The following ZEB1 variants were observed in gnomAD, a reference collection of about 807,000 sequenced individuals.
ZEB1 encodes the protein zinc finger E-box-binding homeobox 1.
Under a neutral mutation model 84.9 loss-of-function variants are expected in ZEB1, and 21 were observed. The observed-to-expected ratio is 0.25, with a 90% CI of 0.18 to 0.36. ZEB1 has a LOEUF of 0.36. Ranked by LOEUF, ZEB1 falls within the 10% of genes least tolerant of loss-of-function variation. The probability of loss-of-function intolerance (pLI) is 1.00; values close to 1 mark genes in which losing one functional copy is unlikely to be tolerated. For synonymous variants in ZEB1, 420 were observed against 471.1 expected (o/e 0.89, Z 1.41); for missense variants, 1,104 against 1,330.2 (o/e 0.83, Z 2.65).
chr10:31,325,237 G>T (rs957987425), intron 1 of ZEB1, among the ~76,000 whole-genome samples: 2 of 151,898 alleles, frequency 1.3e-5, no homozygotes, highest in Non-Finnish European at 2.9e-5. Context: ...CATTAATTTT[G>T]TTAAAGCATA....
rs539342625 is a variant in ZEB1 at position 31,407,545 on chromosome 10, G to T, written c.59-53492G>T. On this transcript the variant is annotated intron_variant, in intron 1 of 8. Coordinates refer to ENST00000424869, the MANE Select transcript of ZEB1 (RefSeq NM_001174096.2). ...AGTCTTTGCTATTGTGAATAATGCC[G>T]CAATAAACATACGTGTGCATGTGTC... Among the ~76,000 whole-genome samples the T allele has an allele frequency of 3.3e-5, 5 of 151,688 alleles. 1 individual carries two copies. Among genetic ancestry groups the T allele is most frequent in the Non-Finnish European group, 7.4e-5 (5 of 67,946 alleles).
chr10:31,330,582 T>G (rs1385481726), intron 1 of ZEB1, among the ~76,000 whole-genome samples: 1 of 152,148 alleles, frequency 6.6e-6, no homozygotes, highest in Non-Finnish European at 1.5e-5. Context: ...AGATGGGGAG[T>G]TTGTTTAAAC....
chr10:31,341,152 G>A (rs1048352993), intron 1 of ZEB1, among the ~76,000 whole-genome samples: 1 of 152,092 alleles, frequency 6.6e-6, no homozygotes, highest in Non-Finnish European at 1.5e-5. Flanking sequence ...GTTGAGTAGA[G>A]TACTCTGATA....
chr10:31,345,934 G>C (rs1219385389), intron 1 of ZEB1, among the ~76,000 whole-genome samples: 1 of 152,028 alleles, frequency 6.6e-6, no homozygotes, highest in Non-Finnish European at 1.5e-5. Flanking sequence ...ATGAAATATA[G>C]ATTCTTAAAG....
chr10:31,462,147 G>A (rs147702445), intron 2 of ZEB1, among the ~76,000 whole-genome samples: 1 of 152,268 alleles, frequency 6.6e-6, no homozygotes, highest in East Asian at 1.9e-4. Context: ...CAGGCATGCA[G>A]GTCAGGATAT....
intron 1 of ZEB1, among the ~76,000 whole-genome samples, chr10:31,441,186 A>G (rs1182330508): frequency 1.3e-5 from 2 of 152,236 alleles, no homozygotes; most frequent in African/African-American, 2.4e-5. Context: ...CCAAAACAGC[A>G]TGGTACTGGT....
chr10:31,455,591 G>T (rs1321025294), intron 1 of ZEB1, among the ~76,000 whole-genome samples: 2 of 130,480 alleles, frequency 1.5e-5, no homozygotes, highest in African/African-American at 9.4e-5. Context: ...ATCAAAAAGT[G>T]GGCAAGGATA....
intron 1 of ZEB1, among the ~76,000 whole-genome samples, chr10:31,356,816 G>A (rs1051644265): frequency 6.6e-6 from 1 of 152,182 alleles, no homozygotes; most frequent in African/African-American, 2.4e-5. Flanking sequence ...ATCTAACTGA[G>A]TAGAGGGACA....
intron 1 of ZEB1, among the ~76,000 whole-genome samples, chr10:31,449,824 T>A (rs928223179): frequency 6.6e-6 from 1 of 152,226 alleles, no homozygotes; most frequent in East Asian, 1.9e-4. Context: ...ACCAACAGTA[T>A]GTATCAAGAA....
chr10:31,472,555 G>A (rs975450287), intron 2 of ZEB1, among the ~76,000 whole-genome samples: 1 of 144,886 alleles, frequency 6.9e-6, no homozygotes, highest in Non-Finnish European at 1.5e-5. Flanking sequence ...CTGAAATTGT[G>A]GCAATAATCA....
Position 31,460,897 on chromosome 10 carries a change from A to C in ZEB1, c.59-140A>C. On this transcript the variant is annotated intron_variant, in intron 1 of 8. Transcript: ENST00000424869. ...CTAGTGTTACATATGTGTGTTGTCA[A>C]ATAAATTAGTTGTTAACATTATTTA... The C allele has an allele frequency of 4.0e-6, 3 of 750,732 alleles. No individual in the cohort carries two copies. In the South Asian group the frequency reaches 5.0e-5, roughly 12 times the overall value. 46.5% of individuals were successfully genotyped at this position (750,732 alleles called of 1,614,324 possible).
At chr10:31,446,301 C>A (rs1410855479) in intron 1 of ZEB1, among the ~76,000 whole-genome samples, 1 of 152,092 alleles carries the variant, frequency 6.6e-6, no homozygotes, top group Non-Finnish European at 1.5e-5. Context: ...TTTGATTCTT[C>A]TCTCTTTTTT....
chr10:31,347,230 C>G (rs2040472473), intron 1 of ZEB1, among the ~76,000 whole-genome samples: 2 of 152,176 alleles, frequency 1.3e-5, no homozygotes, highest in Non-Finnish European at 2.9e-5. Context: ...TAAAGTAGAT[C>G]ATTCTCTCTC....
At chr10:31,502,632 G>T (rs912718525) in intron 4 of ZEB1, 123 bp downstream of exon 4, 15 of 1,169,456 alleles carry the variant, frequency 1.3e-5, no homozygotes, top group Non-Finnish European at 1.8e-5. Flanking sequence ...TATTACAGGT[G>T]CCTATAGAGA....
intron 2 of ZEB1, among the ~76,000 whole-genome samples, chr10:31,464,343 A>T (rs1194268087): frequency 6.6e-6 from 1 of 152,028 alleles, no homozygotes; most frequent in African/African-American, 2.4e-5. Flanking sequence ...ACAGAGTAAG[A>T]CTCTATCTCA....
chr10:31,445,612 G>A (rs1283415099), intron 1 of ZEB1, among the ~76,000 whole-genome samples: 1 of 152,002 alleles, frequency 6.6e-6, no homozygotes, highest in Non-Finnish European at 1.5e-5. Context: ...TTTATTGAGA[G>A]TTTTTAGCAT....
intron 4 of ZEB1, among the ~76,000 whole-genome samples, chr10:31,508,981 G>A (rs1456927594): frequency 6.6e-6 from 1 of 152,176 alleles, no homozygotes; most frequent in African/African-American, 2.4e-5. Flanking sequence ...CTGTTGGGGA[G>A]TCTGTCCTTG....
chr10:31,516,070 A>C (rs979544001), intron 6 of ZEB1, among the ~76,000 whole-genome samples: 4 of 152,246 alleles, frequency 2.6e-5, no homozygotes, highest in African/African-American at 9.6e-5. Context: ...AAAGTTGGAA[A>C]GTATAAATCA....
intron 3 of ZEB1, among the ~76,000 whole-genome samples, chr10:31,496,170 C>G (rs1367274372): frequency 6.6e-6 from 1 of 151,992 alleles, no homozygotes; most frequent in African/African-American, 2.4e-5. Context: ...AAATGCAGAT[C>G]TAACTTTTGA....
Sources: gnomAD v4.1 joint callset for allele counts (sites outside exome capture counted in the v4.1 genomes callset) on GRCh38, gnomAD v4.1.1 for gene constraint, MANE v1.5 for transcripts, NCBI Gene and HGNC (gene_info 2026-07-23, HGNC 2026-07-21) for gene names.